GBE1: variants seen among roughly 807,000 people sequenced by gnomAD.
GBE1 encodes 1,4-alpha-glucan-branching enzyme.
GBE1 carries 70 observed loss-of-function variants against 88.8 expected under a neutral mutation model. That is an observed-to-expected ratio of 0.79 (90% confidence interval 0.65 to 0.96). The LOEUF (loss-of-function observed/expected upper bound fraction) is 0.96. Among genes scored for constraint, GBE1 ranks in the 40% least tolerant of loss-of-function variants. GBE1 has a pLI of 0.00. For missense variants in GBE1, 872 were observed against 871.0 expected (o/e 1.00, Z -0.01); for synonymous variants, 284 against 300.1 (o/e 0.95, Z 0.56).
chr3:81,502,257 A>G (rs897752675), intron 14 of GBE1, among the ~76,000 whole-genome samples: 1 of 152,154 alleles, frequency 6.6e-6, no homozygotes, highest in African/African-American at 2.4e-5. Flanking sequence ...CAATTGCTAT[A>G]CAAGGATTCA....
intron 2 of GBE1, among the ~76,000 whole-genome samples, chr3:81,700,577 A>T (rs1249727598): frequency 6.6e-6 from 1 of 152,174 alleles, no homozygotes; most frequent in African/African-American, 2.4e-5. Flanking sequence ...CTGAAAACAG[A>T]TTACAGTTCA....
chr3:81,645,371 A>C (rs1334800539), intron 6 of GBE1, among the ~76,000 whole-genome samples: 1 of 152,192 alleles, frequency 6.6e-6, no homozygotes, highest in African/African-American at 2.4e-5. Flanking sequence ...GGAAAGAAAA[A>C]GGTTTCAAGA....
At chr3:81,749,462 G>A (rs201522139) in intron 1 of GBE1, among the ~76,000 whole-genome samples, 4 of 152,174 alleles carry the variant, frequency 2.6e-5, no homozygotes, top group Non-Finnish European at 4.4e-5. Flanking sequence ...AGGGATGGGT[G>A]GGGGAGGGGC....
chr3:81,666,733 T>C (rs752982162), intron 3 of GBE1, among the ~76,000 whole-genome samples: 21 of 152,164 alleles, frequency 1.4e-4, no homozygotes, highest in Non-Finnish European at 2.8e-4. Flanking sequence ...GCCACAAACA[T>C]ATCAATGTGA....
intron 12 of GBE1, among the ~76,000 whole-genome samples, chr3:81,563,139 T>C (rs1171543099): frequency 2.0e-5 from 3 of 152,098 alleles, no homozygotes; most frequent in African/African-American, 4.8e-5. Context: ...TGAATAACAC[T>C]GGCAGAGTCC....
At chr3:81,720,362 G>GTGTGTA (rs1553694087) in intron 1 of GBE1, among the ~76,000 whole-genome samples, 1 of 143,346 alleles carries the variant, frequency 7.0e-6, no homozygotes, top group African/African-American at 2.6e-5. Flanking sequence ...GTGTGTGTGT[G>GTGTGTA]TATATATATA....
intron 12 of GBE1, among the ~76,000 whole-genome samples, chr3:81,569,293 T>A (rs911474036): frequency 6.6e-6 from 1 of 152,208 alleles, no homozygotes; most frequent in Non-Finnish European, 1.5e-5. Context: ...TTGGTTTCAA[T>A]GCTAAGATAA....
intron 12 of GBE1, among the ~76,000 whole-genome samples, chr3:81,557,326 G>C (rs1426784251): frequency 1.3e-5 from 2 of 152,202 alleles, no homozygotes; most frequent in Non-Finnish European, 1.5e-5. Flanking sequence ...GTGTATATGG[G>C]GAAAAGGTCA....
At chr3:81,626,252 T>C (rs1048727929) in intron 7 of GBE1, among the ~76,000 whole-genome samples, 1 of 152,214 alleles carries the variant, frequency 6.6e-6, no homozygotes, top group Non-Finnish European at 1.5e-5. Flanking sequence ...CTTCATTTTC[T>C]TTCAAGGACA....
intron 1 of GBE1, among the ~76,000 whole-genome samples, chr3:81,726,555 A>G (rs1180713297): frequency 6.6e-6 from 1 of 150,548 alleles, no homozygotes; most frequent in Non-Finnish European, 1.5e-5. Flanking sequence ...GGTAGTTTTT[A>G]TTTAAATATG....
chr3:81,559,601 T>G (rs1363975115), intron 12 of GBE1, among the ~76,000 whole-genome samples: 2 of 151,900 alleles, frequency 1.3e-5, no homozygotes, highest in African/African-American at 4.8e-5. Context: ...AAAATCAATT[T>G]TTGCCCCTAT....
intron 1 of GBE1, among the ~76,000 whole-genome samples, chr3:81,710,669 C>T (rs545669597): frequency 2.6e-5 from 4 of 152,154 alleles, no homozygotes; most frequent in Admixed American, 6.5e-5. Flanking sequence ...GAGCATTACC[C>T]GCAATATTCA....
chr3:81,629,718 T>TTAG (rs1704478225), intron 7 of GBE1, among the ~76,000 whole-genome samples: 1 of 151,746 alleles, frequency 6.6e-6, no homozygotes, highest in South Asian at 2.1e-4. Flanking sequence ...TATATATTTT[T>TTAG]TATTATTATT....
intron 12 of GBE1, among the ~76,000 whole-genome samples, chr3:81,573,775 C>CTCTGTG (rs537918861): frequency 3.4e-5 from 5 of 148,788 alleles, no homozygotes; most frequent in African/African-American, 1.0e-4. Flanking sequence ...CTCTCTCTCT[C>CTCTGTG]TGTGTGTGTG....
intron 7 of GBE1, among the ~76,000 whole-genome samples, chr3:81,606,231 T>TATGCTTTAAA (rs1704099946): frequency 6.6e-6 from 1 of 152,208 alleles, no homozygotes; most frequent in Non-Finnish European, 1.5e-5. Context: ...GAATTCAGTC[T>TATGCTTTAAA]ATGCTTTAAA....
chr3:81,613,148 C>CT (rs75197014), intron 7 of GBE1: 1,783 of 227,318 alleles, frequency 7.8e-3, no homozygotes, highest in South Asian at 0.018. Context: ...AAGCTGCAGT[C>CT]TTTTTTTTTT....
chr3:81,721,219 AT>A (rs535582822), intron 1 of GBE1, among the ~76,000 whole-genome samples: 4,409 of 103,476 alleles, frequency 0.043, 268 homozygotes, highest in African/African-American at 0.11. Context: ...AAATAAATAA[AT>A]AAATAAATAA....
rs188387087 is a variant in GBE1, at chr3:81,550,190, T to C, written c.1619-13095A>G. On this transcript the variant is annotated intron_variant, in intron 12 of 15. Transcript: ENST00000429644. Reference sequence around the variant, plus strand: ...TTTACTCTTTTGGAATACATCGCTGTTTTACTCCACATGTAGGAATGCAGG... The same window carrying C: ...TTTACTCTTTTGGAATACATCGCTGCTTTACTCCACATGTAGGAATGCAGG... Among the ~76,000 whole-genome samples the C allele has an allele frequency of 2.5e-4, 38 of 151,666 alleles. 2 individuals carry two copies. The highest frequency in any genetic ancestry group is 2.5e-3 in the Admixed American group (38 of 15,228).
chr3:81,681,220 T>C (rs1705335986), intron 2 of GBE1, among the ~76,000 whole-genome samples: 1 of 152,220 alleles, frequency 6.6e-6, no homozygotes, highest in South Asian at 2.1e-4. Flanking sequence ...AGTCATCCTA[T>C]GGGCCAAGAA....
Sources: allele counts gnomAD v4.1 joint callset (sites outside exome capture counted in the v4.1 genomes callset), GRCh38; gene constraint gnomAD v4.1.1; transcripts MANE v1.5; gene names NCBI Gene and HGNC (gene_info 2026-07-23, HGNC 2026-07-21).